Variants in TAFA1 observed in about 807,000 individuals in gnomAD.
TAFA1 encodes chemokine-like protein TAFA-1.
A neutral mutation model predicts 18.5 loss-of-function variants in TAFA1; 4 were observed. The ratio of observed to expected loss-of-function variants is 0.22; its 90% CI spans 0.11 to 0.49. The LOEUF (loss-of-function observed/expected upper bound fraction) is 0.49, where lower values mean the gene tolerates loss of function less well. Ranked by LOEUF, TAFA1 falls within the 20% of genes least tolerant of loss-of-function variation. The pLI is 0.98. For missense variants in TAFA1, 147 were observed against 169.0 expected (o/e 0.87, Z 0.72); for synonymous variants, 56 against 55.2 (o/e 1.01, Z -0.06).
At chr3:68,078,764 A>G (rs2064858594) in intron 2 of TAFA1, among the ~76,000 whole-genome samples, 1 of 152,154 alleles carries the variant, frequency 6.6e-6, no homozygotes, top group African/African-American at 2.4e-5. Flanking sequence ...ACATTGGTCT[A>G]AAATTCTCTT....
At chr3:68,245,144 A>G (rs2067052626) in intron 2 of TAFA1, among the ~76,000 whole-genome samples, 1 of 152,176 alleles carries the variant, frequency 6.6e-6, no homozygotes, top group African/African-American at 2.4e-5. Context: ...ACGAAATTTG[A>G]CCAGGCATTT....
chr3:68,453,987 T>A (rs1006940896), intron 3 of TAFA1, among the ~76,000 whole-genome samples: 1 of 152,212 alleles, frequency 6.6e-6, no homozygotes, highest in African/African-American at 2.4e-5. Context: ...GAGAAATTAA[T>A]TCTTTGCACA....
At chr3:68,527,555 GTCT>G (rs561885936) in intron 3 of TAFA1, among the ~76,000 whole-genome samples, 1 of 152,068 alleles carries the variant, frequency 6.6e-6, no homozygotes, top group Non-Finnish European at 1.5e-5. Flanking sequence ...TCAATGAGGA[GTCT>G]TCTTATGGTC....
chr3:68,201,561 G>C (rs1043717536), intron 2 of TAFA1, among the ~76,000 whole-genome samples: 1 of 151,690 alleles, frequency 6.6e-6, no homozygotes, highest in Non-Finnish European at 1.5e-5. Context: ...TTGATGCTCT[G>C]TTATTAGGCA....
chr3:68,323,991 G>A (rs928940554), intron 2 of TAFA1, among the ~76,000 whole-genome samples: 2 of 152,120 alleles, frequency 1.3e-5, no homozygotes, highest in Non-Finnish European at 1.5e-5. Context: ...TTCATTCTCC[G>A]TAAATACCAA....
chr3:68,215,856 C>T (rs1403628898), intron 2 of TAFA1, among the ~76,000 whole-genome samples: 3 of 152,070 alleles, frequency 2.0e-5, no homozygotes, highest in African/African-American at 7.2e-5. Context: ...ATAACCCTCA[C>T]ACACATGTTC....
intron 2 of TAFA1, among the ~76,000 whole-genome samples, chr3:68,093,850 T>TA (rs1254420174): frequency 2.6e-5 from 4 of 152,140 alleles, no homozygotes; most frequent in African/African-American, 7.2e-5. Flanking sequence ...AATGAGAACT[T>TA]ACAGTATATT....
chr3:68,060,472 T>A (rs2064588719), intron 2 of TAFA1, among the ~76,000 whole-genome samples: 1 of 152,136 alleles, frequency 6.6e-6, no homozygotes, highest in Non-Finnish European at 1.5e-5. Flanking sequence ...GCCATAACAC[T>A]TTACCTTGAC....
At chr3:68,355,059 G>T (rs1378419144) in intron 2 of TAFA1, among the ~76,000 whole-genome samples, 1 of 151,912 alleles carries the variant, frequency 6.6e-6, no homozygotes, top group Non-Finnish European at 1.5e-5. Context: ...GAAATTTCTG[G>T]ACAAGAGCAC....
At chr3:68,187,858 T>C (rs2066289494) in intron 2 of TAFA1, among the ~76,000 whole-genome samples, 1 of 152,020 alleles carries the variant, frequency 6.6e-6, no homozygotes, top group African/African-American at 2.4e-5. Flanking sequence ...TTGGCCATTT[T>C]AGTGAGTATT....
rs559161787 is a variant in TAFA1, at chr3:68,242,490, A to G, written c.119-174790A>G. Reference sequence around the variant, plus strand: ...TTAATGAGGTTTTACTGTATATTAAAGTATAATACATCTCTAGCACCTGTG... The same window carrying G: ...TTAATGAGGTTTTACTGTATATTAAGGTATAATACATCTCTAGCACCTGTG... On this transcript the variant is annotated intron_variant, in intron 2 of 4. Coordinates refer to ENST00000478136, the MANE Select transcript of TAFA1 (RefSeq NM_213609.4). Among the ~76,000 whole-genome samples, 5 of 152,310 alleles carry G rather than the reference A, an allele frequency of 3.3e-5. No individual in the cohort carries two copies. The South Asian group carries it at 1.0e-3, about 32-fold the overall frequency.
chr3:68,107,978 G>A (rs925456385), intron 2 of TAFA1, among the ~76,000 whole-genome samples: 6 of 152,046 alleles, frequency 3.9e-5, no homozygotes, highest in Non-Finnish European at 7.4e-5. Context: ...CCAAACCCTG[G>A]TGATTCAATG....
chr3:68,060,594 T>C (rs1163362425), intron 2 of TAFA1, among the ~76,000 whole-genome samples: 8 of 152,168 alleles, frequency 5.3e-5, no homozygotes, highest in Admixed American at 5.2e-4. Context: ...TTGCATCATG[T>C]TTTTACAGTA....
chr3:68,134,982 G>A (rs1368850409), intron 2 of TAFA1, among the ~76,000 whole-genome samples: 1 of 152,158 alleles, frequency 6.6e-6, no homozygotes, highest in East Asian at 1.9e-4. Context: ...CTTTAGGCAT[G>A]CAAAATTTCT....
At chr3:68,105,014 C>T (rs542038459) in intron 2 of TAFA1, among the ~76,000 whole-genome samples, 2 of 152,106 alleles carry the variant, frequency 1.3e-5, no homozygotes, top group Non-Finnish European at 2.9e-5. Context: ...AGATTCCAGT[C>T]ATGGTGGAAG....
intron 2 of TAFA1, among the ~76,000 whole-genome samples, chr3:68,157,863 A>C (rs2065882463): frequency 6.6e-6 from 1 of 152,160 alleles, no homozygotes; most frequent in South Asian, 2.1e-4. Flanking sequence ...CTTGGTTTGA[A>C]GGATTTGAGT....
At chr3:68,199,227 C>CT (rs1290817655) in intron 2 of TAFA1, among the ~76,000 whole-genome samples, 3 of 151,428 alleles carry the variant, frequency 2.0e-5, no homozygotes, top group Non-Finnish European at 4.4e-5. Flanking sequence ...TTTGTGTATT[C>CT]TTTTTACCAA....
At chr3:68,013,202 T>C (rs1447751) in intron 2 of TAFA1, among the ~76,000 whole-genome samples, 107,245 of 151,962 alleles carry the variant, frequency 0.71, 37,972 homozygotes, top group East Asian at 0.81. Flanking sequence ...AATGAAGATT[T>C]TGGTGGAATC....
At chr3:68,540,907 G>T (rs2073362322) in intron 4 of TAFA1, among the ~76,000 whole-genome samples, 1 of 152,156 alleles carries the variant, frequency 6.6e-6, no homozygotes, top group African/African-American at 2.4e-5. Flanking sequence ...ATGCACCCTA[G>T]ACATTTTCCA....
Sources: gnomAD v4.1 joint callset for allele counts (sites outside exome capture counted in the v4.1 genomes callset) on GRCh38, gnomAD v4.1.1 for gene constraint, MANE v1.5 for transcripts, NCBI Gene and HGNC (gene_info 2026-07-23, HGNC 2026-07-21) for gene names.